CHRNA4: variants seen among roughly 807,000 people sequenced by gnomAD.
CHRNA4 encodes the protein neuronal acetylcholine receptor subunit alpha-4.
Under a neutral mutation model 48.9 loss-of-function variants are expected in CHRNA4, and 28 were observed. The observed-to-expected ratio is 0.57, with a 90% confidence interval of 0.42 to 0.79. The LOEUF is 0.79. CHRNA4 is among the 30% of genes least tolerant of loss of function. The pLI is 0.00. For synonymous variants in CHRNA4, 425 were observed against 402.3 expected, an observed-to-expected ratio of 1.06 and a Z score of -0.68; for missense variants, 859 against 898.4, an observed-to-expected ratio of 0.96 and a Z score of 0.56.
intron 4 of CHRNA4, among the ~76,000 whole-genome samples, chr20:63,354,909 T>C (rs6011780): frequency 0.1 from 15,757 of 152,104 alleles, 835 homozygotes; most frequent in Middle Eastern, 0.2. Flanking sequence ...CCCAATGCAC[T>C]CTGGAAAAGC....
chr20:63,361,087 T>C lies in CHRNA4; in HGVS notation c.76+3A>G, dbSNP rs2068812178. 6.8e-7 allele frequency: 1 copy of C among 1,462,658 alleles called. No homozygotes were observed. Among genetic ancestry groups the C allele is most frequent in the East Asian group, 2.9e-5 (1 of 34,302 alleles). The allele number at this position is 1,462,658 out of a possible 1,614,324, so 90.6% of individuals were successfully genotyped here. On this transcript the variant is annotated splice_donor_region_variant and intron_variant, in intron 1 of 5. Coordinates refer to ENST00000370263, the MANE Select transcript of CHRNA4 (RefSeq NM_000744.7). ...GGGGCCCATCCCGCGCCCCGTAACT[T>C]ACCGCGCAGGAGGCCGGTCCCCAGA...
At chr20:63,360,834 G>C (rs1402183121) in intron 1 of CHRNA4, 4 of 391,280 alleles carry the variant, frequency 1.0e-5, no homozygotes, top group Non-Finnish European at 1.8e-5. Flanking sequence ...TGAAATAGCA[G>C]CGGAACCCCC....
chr20:63,354,355 G>A (rs1008772752), intron 4 of CHRNA4, among the ~76,000 whole-genome samples: 2 of 131,904 alleles, frequency 1.5e-5, no homozygotes, highest in African/African-American at 5.9e-5. Context: ...AGGGGGCTGT[G>A]GTCAGGCAAG....
rs1275722917 is a variant in CHRNA4, at chr20:63,345,603, G to A, written c.*1135C>T. The A allele has an allele frequency of 2.2e-6, 1 of 452,532 alleles. No individual in the cohort carries two copies. The highest frequency in any genetic ancestry group is 2.0e-5 in the African/African-American group (1 of 49,934). The allele number at this position is 452,532 out of a possible 1,614,324, so 28.0% of individuals were successfully genotyped here. On this transcript the variant is annotated 3_prime_UTR_variant, in exon 6 of 6. Transcript: ENST00000370263. This position sits in a 1 kb window ranked among gnomAD's most constrained non-coding sequence, Gnocchi z 5.4. ...TCTGCCTGCCCTGCCAGGACGGAGGGCATGGGCCTGTGTGGAAACCCCAGG... is the reference window on the plus strand; with the variant it reads ...TCTGCCTGCCCTGCCAGGACGGAGGACATGGGCCTGTGTGGAAACCCCAGG...
Position 63,361,125 on chromosome 20 carries a change from G to T in CHRNA4, c.41C>A (p.Pro14Gln). The T allele has an allele frequency of 2.7e-6, 4 of 1,478,004 alleles. No homozygotes were observed. Among genetic ancestry groups the T allele is most frequent in the Non-Finnish European group, 3.6e-6 (4 of 1,120,244 alleles). The allele number at this position is 1,478,004 out of a possible 1,614,324, so 91.6% of individuals were successfully genotyped here. A position where few individuals can be genotyped will look rare whatever the true frequency, so the allele number is the denominator to read the frequency against. Residue 14 changes from proline to glutamine, a missense_variant, in exon 1 of 6, where the codon CCG becomes CAG. Transcript: ENST00000370263. ...GCCGGTCCCCAGAAGCAGCAGCAGCGGCGGCAGCAGCCGCGGCGCTCCGGG... is the reference window on the plus strand; with the variant it reads ...GCCGGTCCCCAGAAGCAGCAGCAGCTGCGGCAGCAGCCGCGGCGCTCCGGG... ...GGPGAPRLLP[P>Q]LLLLLGTGLL...
chr20:63,347,843 C>T (rs2068520753), intron 5 of CHRNA4, among the ~76,000 whole-genome samples: 1 of 152,198 alleles, frequency 6.6e-6, no homozygotes, highest in East Asian at 1.9e-4. Context: ...ACAGTGCCGC[C>T]TCCTGCTCTG....
intron 1 of CHRNA4, chr20:63,359,964 C>G: frequency 2.5e-6 from 1 of 403,970 alleles, no homozygotes; most frequent in Non-Finnish European, 4.6e-6. Context: ...TCTTGGCCTC[C>G]GGCTCTCTCC....
chr20:63,355,435 C>G (rs4809542), intron 4 of CHRNA4: 64,097 of 1,045,244 alleles, frequency 0.061, 2,312 homozygotes, highest in Non-Finnish European at 0.072. Flanking sequence ...CTGGGCAGAG[C>G]GTGAGTATGC....
At position 63,346,128 on chromosome 20, in the gene CHRNA4, G is replaced by A. The variant is rs2068490599; in HGVS notation, c.*610C>T. On this transcript the variant is annotated 3_prime_UTR_variant, in exon 6 of 6. Transcript: ENST00000370263. Reference sequence around the variant, plus strand: ...AAGGCTCCTTAGGCACAAGACTTGAGTTCTCACTAACTTACCCAAAACACA... The same window carrying A: ...AAGGCTCCTTAGGCACAAGACTTGAATTCTCACTAACTTACCCAAAACACA... The A allele has an allele frequency of 2.2e-6, 1 of 454,034 alleles. No homozygotes were observed. Among genetic ancestry groups the A allele is most frequent in the Non-Finnish European group, 4.4e-6 (1 of 226,798 alleles). 28.1% of individuals were successfully genotyped at this position (454,034 alleles called of 1,614,324 possible).
At chr20:63,349,556 C>T in intron 5 of CHRNA4, 97 bp downstream of exon 5, 1 of 1,508,502 alleles carries the variant, frequency 6.6e-7, no homozygotes. Flanking sequence ...CAGCCTGAGG[C>T]CTGGGCCCGG....
In CHRNA4 at chr20:63,349,877, A is replaced by G; in HGVS notation, c.1534T>C (p.Ser512Pro). 1 of 1,592,904 alleles carries G rather than the reference A, an allele frequency of 6.3e-7. No individual in the cohort carries two copies. Among genetic ancestry groups the G allele is most frequent in the South Asian group, 1.1e-5 (1 of 88,828 alleles). Residue 512 changes from serine (S) to proline (P), a missense_variant, in exon 5 of 6, where the codon TCT becomes CCT. Physicochemically the swap from Ser to Pro is moderately conservative, Grantham distance 74. This residue lies in a region of CHRNA4 where 478 missense variants were observed against 455.4 expected (regional missense o/e 1.05). Coordinates refer to ENST00000370263, the MANE Select transcript of CHRNA4 (RefSeq NM_000744.7). ...AGCTCAGCCGAGTGGGTGTTGCGAG[A>G]GGCCAGGGCGCCGGCAGCCTGGCCA... Reference protein sequence around the residue: ...ADGQAAGALASRNTHSAELPP... With the variant: ...ADGQAAGALAPRNTHSAELPP...
chr20:63,360,002 C>T (rs45568238), intron 1 of CHRNA4: 42 of 394,190 alleles, frequency 1.1e-4, no homozygotes, highest in African/African-American at 7.5e-4. Context: ...GTGATTTCCT[C>T]GGGGAAGCTT....
At position 63,345,655 on chromosome 20, in the gene CHRNA4, A is replaced by C. The variant is rs199567457; in HGVS notation, c.*1083T>G. On this transcript the variant is annotated 3_prime_UTR_variant, in exon 6 of 6. Transcript: ENST00000370263. The surrounding 1 kb of genome is among the most constrained non-coding windows in gnomAD (Gnocchi z 5.4). ...CTCCCTGACTCCCATGAGGCTTCTC[A>C]GGGACTTCCTGCCCCGAGGGTCCCA... The C allele has an allele frequency of 1.8e-5, 8 of 453,874 alleles. 1 individual carries two copies. Among genetic ancestry groups the C allele is most frequent in the South Asian group, 1.2e-4 (8 of 64,470 alleles). 28.1% of individuals were successfully genotyped at this position (453,874 alleles called of 1,614,324 possible).
chr20:63,350,401 G>C lies in CHRNA4; in HGVS notation c.1010C>G (p.Thr337Arg). The C allele has an allele frequency of 1.2e-6, 2 of 1,613,924 alleles. No homozygotes were observed. Among genetic ancestry groups the C allele is most frequent in the Non-Finnish European group, 1.7e-6 (2 of 1,180,042 alleles). ...GCGTACCCAGGTGGGCATGGTGTGC[G>C]TGCGTGGCGAGCGGTGGTGCACGTT... ...VLNVHHRSPR[T>R]HTMPTWVRRV... is the part of the protein sequence containing the mutation. Residue 337 changes from threonine (T) to arginine (R), a missense_variant, in exon 5 of 6, where the codon ACG becomes AGG. Physicochemically the swap from Thr to Arg is moderately conservative, Grantham distance 71. This residue lies in a region of CHRNA4 where 478 missense variants were observed against 455.4 expected (regional missense o/e 1.05). Coordinates refer to ENST00000370263, the MANE Select transcript of CHRNA4 (RefSeq NM_000744.7).
intron 1 of CHRNA4, chr20:63,359,980 CT>C (rs984585568): frequency 1.9e-5 from 8 of 430,432 alleles, no homozygotes; most frequent in African/African-American, 1.4e-4. Flanking sequence ...TCTCCCACCC[CT>C]GGGTGTAATT....
intron 5 of CHRNA4, among the ~76,000 whole-genome samples, chr20:63,348,983 C>T (rs2068539174): frequency 6.6e-6 from 1 of 152,198 alleles, no homozygotes. Flanking sequence ...CTCTGTGCGG[C>T]CAGTGCCTGG....
rs540259251 is a variant in CHRNA4, at chr20:63,348,544, T to A, written c.1758+1109A>T. On this transcript the variant is annotated intron_variant, in intron 5 of 5. Transcript: ENST00000370263. ...GCACCAGATGCGTCCGAATAAACCA[T>A]CGAGGATGGCGCTCTGGGGTCCTGG... 1.3e-5 allele frequency among the ~76,000 whole-genome samples: 2 copies of A among 152,194 alleles called. 1 individual carries two copies. Among genetic ancestry groups the A allele is most frequent in the Admixed American group, 1.3e-4 (2 of 15,298 alleles).
intron 1 of CHRNA4, chr20:63,360,191 G>C (rs1445832292): frequency 5.2e-6 from 1 of 193,778 alleles, no homozygotes; most frequent in East Asian, 1.3e-4. Context: ...AAAGGAGGGA[G>C]TACAGGGCAG....
At chr20:63,353,228 G>A (rs2068642289) in intron 4 of CHRNA4, among the ~76,000 whole-genome samples, 1 of 152,228 alleles carries the variant, frequency 6.6e-6, no homozygotes, top group Non-Finnish European at 1.5e-5. Flanking sequence ...ACCAGCCACA[G>A]CCACCTGCTG....
Sources: allele counts gnomAD v4.1 joint callset (sites outside exome capture counted in the v4.1 genomes callset), GRCh38; gene constraint gnomAD v4.1.1; regional missense constraint gnomAD v4.1.1; non-coding constraint Gnocchi (gnomAD v3.1); transcripts MANE v1.5; gene names NCBI Gene and HGNC (gene_info 2026-07-23, HGNC 2026-07-21).